The following PRUNE2 variants were observed in gnomAD, a reference collection of about 807,000 sequenced individuals.
PRUNE2 encodes the protein protein prune homolog 2.
A neutral mutation model predicts 252.0 loss-of-function variants in PRUNE2; 164 were observed. The ratio of observed to expected loss-of-function variants is 0.65; its 90% CI spans 0.57 to 0.74. PRUNE2 has a LOEUF of 0.74. PRUNE2 is among the 30% of genes least tolerant of loss of function. The pLI is 0.00. For missense variants in PRUNE2, 3,495 were observed against 3,711.0 expected (o/e 0.94, Z 1.51); for synonymous variants, 1,292 against 1,350.2 (o/e 0.96, Z 0.94).
intron 6 of PRUNE2, among the ~76,000 whole-genome samples, chr9:76,768,571 ATATG>A (rs896228236): frequency 1.7e-4 from 21 of 120,212 alleles, no homozygotes; most frequent in African/African-American, 6.4e-4. Flanking sequence ...GTTGATATAT[ATATG>A]TATATGTATG....
chr9:76,812,272 T>A (rs1051688392), intron 6 of PRUNE2, among the ~76,000 whole-genome samples: 4 of 152,238 alleles, frequency 2.6e-5, no homozygotes, highest in African/African-American at 9.6e-5. Context: ...GCTGTGATGT[T>A]TTGTGTCCAA....
intron 11 of PRUNE2, among the ~76,000 whole-genome samples, chr9:76,648,021 A>G (rs1015834174): frequency 3.3e-5 from 5 of 152,194 alleles, no homozygotes; most frequent in African/African-American, 9.7e-5. Flanking sequence ...AGACCTGGAC[A>G]GGTACCTCAC....
At chr9:76,620,162 CAG>C (rs1315940594) in intron 17 of PRUNE2, among the ~76,000 whole-genome samples, 1 of 138,940 alleles carries the variant, frequency 7.2e-6, no homozygotes, top group Non-Finnish European at 1.5e-5. Flanking sequence ...TTTTTTGAGA[CAG>C]AGTCTTGCTC....
At chr9:76,776,390 C>G (rs540553460) in intron 6 of PRUNE2, among the ~76,000 whole-genome samples, 11 of 152,034 alleles carry the variant, frequency 7.2e-5, no homozygotes, top group Admixed American at 1.3e-4. Flanking sequence ...CATGTGGTAT[C>G]TGATTTTCCA....
At chr9:76,716,979 A>G (rs1443244358) in intron 6 of PRUNE2, among the ~76,000 whole-genome samples, 1 of 152,188 alleles carries the variant, frequency 6.6e-6, no homozygotes, top group Non-Finnish European at 1.5e-5. Flanking sequence ...GTCCCTGCAA[A>G]GGACATGACC....
intron 6 of PRUNE2, among the ~76,000 whole-genome samples, chr9:76,727,674 G>T (rs1439700039): frequency 9.9e-4 from 46 of 46,678 alleles, no homozygotes; most frequent in Admixed American, 2.7e-3. Flanking sequence ...AAGCAAAGTT[G>T]TACTATTATT....
At chr9:76,692,438 G>A in intron 9 of PRUNE2, 1 of 372,180 alleles carries the variant, frequency 2.7e-6, no homozygotes, top group South Asian at 4.3e-5. Flanking sequence ...CAAGTTGTAA[G>A]GAATTTAGTT....
chr9:76,638,397 T>C (rs969745757), intron 12 of PRUNE2, 109 bp from the exon 13 acceptor site: 6 of 708,944 alleles, frequency 8.5e-6, no homozygotes, highest in African/African-American at 7.1e-5. Flanking sequence ...TTTGTGGGTA[T>C]ATTAGCAGCA....
intron 4 of PRUNE2, among the ~76,000 whole-genome samples, chr9:76,830,021 A>C (rs1239169359): frequency 5.3e-5 from 8 of 152,232 alleles, no homozygotes; most frequent in Non-Finnish European, 1.0e-4. Flanking sequence ...GAGAATTAGA[A>C]TCTGTAAGTA....
At position 76,845,178 on chromosome 9, in the gene PRUNE2, G is replaced by T. The variant is rs115043623; in HGVS notation, c.508+1337C>A. Among the ~76,000 whole-genome samples the T allele has an allele frequency of 7.4e-3, 1,131 of 152,164 alleles. 15 individuals carry two copies. Among genetic ancestry groups the T allele is most frequent in the African/African-American group, 0.026 (1,082 of 41,508 alleles). On this transcript the variant is annotated intron_variant, in intron 4 of 18. Transcript: ENST00000376718. ...ATCATTGTTATCACTACCAATAACA[G>T]TCATATCTTTGTGCCAATGTATTTG... is the stretch of plus-strand genomic sequence containing the variant.
At chr9:76,615,872 C>A (rs1303796294) in intron 18 of PRUNE2, among the ~76,000 whole-genome samples, 1 of 145,668 alleles carries the variant, frequency 6.9e-6, no homozygotes, top group Non-Finnish European at 1.5e-5. Context: ...TAGATTCAAG[C>A]GACTCTCCTG....
chr9:76,670,261 T>C (rs1264638598), intron 9 of PRUNE2, among the ~76,000 whole-genome samples: 1 of 151,906 alleles, frequency 6.6e-6, no homozygotes, highest in African/African-American at 2.4e-5. Flanking sequence ...GTCAGGGAGT[T>C]CCCTTTCTGA....
intron 9 of PRUNE2, among the ~76,000 whole-genome samples, chr9:76,664,282 G>A (rs2133716996): frequency 6.6e-6 from 1 of 152,270 alleles, no homozygotes; most frequent in East Asian, 1.9e-4. Context: ...GAGTCCATGT[G>A]GCAAGGAACT....
intron 6 of PRUNE2, among the ~76,000 whole-genome samples, chr9:76,742,735 T>A (rs1021514445): frequency 6.6e-6 from 1 of 151,950 alleles, no homozygotes; most frequent in Non-Finnish European, 1.5e-5. Flanking sequence ...AATGAACATA[T>A]GAAAAAAGGT....
chr9:76,832,660 A>C (rs1041675022), intron 4 of PRUNE2, among the ~76,000 whole-genome samples: 1 of 152,128 alleles, frequency 6.6e-6, no homozygotes, highest in East Asian at 1.9e-4. Context: ...CACCTAAAAA[A>C]AAGGTAGAAG....
chr9:76,814,394 GC>G (rs1299982542), intron 6 of PRUNE2, among the ~76,000 whole-genome samples: 2 of 152,166 alleles, frequency 1.3e-5, no homozygotes, highest in African/African-American at 4.8e-5. Context: ...GCTCTGAGGA[GC>G]CCAAGCCAGG....
intron 1 of PRUNE2, among the ~76,000 whole-genome samples, chr9:76,882,510 T>A (rs1199464023): frequency 6.6e-6 from 1 of 152,198 alleles, no homozygotes; most frequent in Non-Finnish European, 1.5e-5. Context: ...GATGCTGGCA[T>A]CTGCTCAGCT....
chr9:76,843,363 C>T (rs2059498741), intron 4 of PRUNE2, among the ~76,000 whole-genome samples: 1 of 152,054 alleles, frequency 6.6e-6, no homozygotes, highest in African/African-American at 2.4e-5. Context: ...AGGAGAAATA[C>T]CTAATGTAGG....
At chr9:76,776,948 A>G (rs1276988685) in intron 6 of PRUNE2, among the ~76,000 whole-genome samples, 1 of 143,720 alleles carries the variant, frequency 7.0e-6, no homozygotes, top group Non-Finnish European at 1.5e-5. Flanking sequence ...ACACACACAA[A>G]GGGCCTGGAC....
Sources: gnomAD v4.1 joint callset for allele counts (sites outside exome capture counted in the v4.1 genomes callset) on GRCh38, gnomAD v4.1.1 for gene constraint, MANE v1.5 for transcripts, NCBI Gene and HGNC (gene_info 2026-07-23, HGNC 2026-07-21) for gene names.